Variants in DSG2 observed in about 807,000 individuals in gnomAD.
DSG2 encodes desmoglein 2, also known as desmoglein-2.
Under a neutral mutation model 75.6 loss-of-function variants are expected in DSG2, and 45 were observed. That is an observed-to-expected ratio of 0.60 (90% CI 0.47 to 0.76). The LOEUF is 0.76. DSG2 is among the 30% of genes least tolerant of loss of function. The pLI is 0.00. For missense variants in DSG2, 1,267 were observed against 1,357.4 expected, an observed-to-expected ratio of 0.93 and a Z score of 1.05; for synonymous variants, 429 against 483.9, an observed-to-expected ratio of 0.89 and a Z score of 1.49.
chr18:31,541,977 T>C (rs2073271131), intron 13 of DSG2, among the ~76,000 whole-genome samples: 1 of 152,180 alleles, frequency 6.6e-6, no homozygotes, highest in Admixed American at 6.5e-5. Context: ...ACTGTCCTCA[T>C]GTCCTAGTTC....
At chr18:31,502,195 A>C (rs1379604316) in intron 1 of DSG2, among the ~76,000 whole-genome samples, 1 of 152,234 alleles carries the variant, frequency 6.6e-6, no homozygotes, top group Non-Finnish European at 1.5e-5. Context: ...GAAATCCCCG[A>C]TAAGCTAAAT....
At position 31,524,467 on chromosome 18, in the gene DSG2, T is replaced by C. The variant is rs1299782741; in HGVS notation, c.710T>C (p.Leu237Ser). ...CTGCAGGAACACAGCAGCTACACTTTGACAGTAGAAGCAAGAGATGGCAAT... is the reference window on the plus strand; with the variant it reads ...CTGCAGGAACACAGCAGCTACACTTCGACAGTAGAAGCAAGAGATGGCAAT... ...LDREEHSSYT[L>S]TVEARDGNGE... Residue 237 changes from leucine (L) to serine (S), a missense_variant, in exon 7 of 15, where the codon TTG (leucine) becomes TCG (serine). By Grantham distance (145) the Leu-to-Ser change is moderately radical. Transcript: ENST00000261590. The C allele has an allele frequency of 1.2e-6, 2 of 1,614,134 alleles. No homozygotes were observed. The highest frequency in any genetic ancestry group is 1.3e-5 in the African/African-American group (1 of 75,056).
rs185026861 is a variant in DSG2, at chr18:31,514,216, A to T, written c.46-4023A>T. Among the ~76,000 whole-genome samples the T allele has an allele frequency of 4.6e-5, 7 of 152,314 alleles. No individual in the cohort carries two copies. In the East Asian group the frequency reaches 1.2e-3, roughly 25 times the overall value. ...GACAAATGTACAGCAGCTATTTAAG[A>T]TGTTAACATATGAGGAAATTGGAGA... is the stretch of plus-strand genomic sequence containing the variant. On this transcript the variant is annotated intron_variant, in intron 1 of 14. Transcript: ENST00000261590.
intron 1 of DSG2, among the ~76,000 whole-genome samples, chr18:31,513,892 G>A (rs2073079898): frequency 6.6e-6 from 1 of 152,154 alleles, no homozygotes; most frequent in African/African-American, 2.4e-5. Context: ...TTCCAAAAAT[G>A]CATAATACTG....
intron 8 of DSG2, among the ~76,000 whole-genome samples, chr18:31,527,087 C>T (rs2073167289): frequency 6.6e-6 from 1 of 152,160 alleles, no homozygotes; most frequent in South Asian, 2.1e-4. Context: ...GCAAGCACCA[C>T]TTATGGTGAG....
In DSG2 at chr18:31,546,017, T is replaced by G; in HGVS notation, c.2631T>G (p.Asn877Lys). The change falls in exon 15 of 15, where the codon AAT becomes AAG. Residue 877 changes from asparagine to lysine, a missense_variant. Transcript: ENST00000261590. ...SHSLCEQTMV[N>K]SENTYSSGSS... ...CACTCTGTGAGCAAACTATGGTTAA[T>G]TCAGAGAATACCTACTCCTCTGGCA... 6.2e-7 allele frequency: 1 copy of G among 1,614,198 alleles called. No homozygotes were observed. Among genetic ancestry groups the G allele is most frequent in the Middle Eastern group, 1.6e-4 (1 of 6,062 alleles).
chr18:31,535,436 T>C (rs1407356398), intron 10 of DSG2, 24 bp downstream of exon 10: 3 of 1,554,568 alleles, frequency 1.9e-6, no homozygotes, highest in Non-Finnish European at 2.7e-6. Context: ...TAGATCTTTT[T>C]CTTGATTATA....
intron 1 of DSG2, among the ~76,000 whole-genome samples, chr18:31,507,854 A>C (rs1412749595): frequency 1.3e-5 from 2 of 151,994 alleles, no homozygotes; most frequent in East Asian, 1.9e-4. Context: ...AGATTGCAAA[A>C]ATTTTCTCCC....
In DSG2 at chr18:31,546,705, G is replaced by A. The variant is rs2073314628; in HGVS notation, c.3319G>A (p.Val1107Ile). The change falls in exon 15 of 15, where the codon GTT (valine) becomes ATT (isoleucine). Residue 1107 changes from valine (V) to isoleucine (I), a missense_variant. By Grantham distance (29) the Val-to-Ile change is conservative. Transcript: ENST00000261590. ...TACCATAACCACATCTTCCACCAGA[G>A]TTACCAAGCATAGCACTGTACAGCA... ...NSTITTSSTRVTKHSTVQHSY... is the reference protein window; with the variant it reads ...NSTITTSSTRITKHSTVQHSY... The A allele has an allele frequency of 1.2e-6, 2 of 1,614,162 alleles. No homozygotes were observed. Among genetic ancestry groups the A allele is most frequent in the Non-Finnish European group, 1.7e-6 (2 of 1,180,024 alleles).
chr18:31,537,999 A>T (rs1005719766), intron 11 of DSG2, among the ~76,000 whole-genome samples: 1 of 152,184 alleles, frequency 6.6e-6, no homozygotes. Context: ...ATTTCAAAAA[A>T]TAAGAAGAAG....
chr18:31,519,942 C>T lies in DSG2; in HGVS notation c.216+5C>T. On this transcript the variant is annotated splice_donor_5th_base_variant and intron_variant, in intron 3 of 14. Transcript: ENST00000261590. ...AAGAAGAATCCAATTGCCAAGGTAC[C>T]TCCTAAAGAGGAACATGAAATACAT... is the stretch of plus-strand genomic sequence containing the variant. 2 of 1,614,136 alleles carry T rather than the reference C, an allele frequency of 1.2e-6. No individual in the cohort carries two copies. Among genetic ancestry groups the T allele is most frequent in the South Asian group, 1.1e-5 (1 of 91,078 alleles).
chr18:31,539,130 C>G (rs2073250682), intron 12 of DSG2, 152 bp downstream of exon 12: 1 of 765,720 alleles, frequency 1.3e-6, no homozygotes. Context: ...TGATGATTGG[C>G]AAATCACCAA....
At chr18:31,544,543 C>G (rs1320825563) in intron 14 of DSG2, among the ~76,000 whole-genome samples, 3 of 151,280 alleles carry the variant, frequency 2.0e-5, no homozygotes, top group Admixed American at 2.0e-4. Flanking sequence ...CCAAAACAAG[C>G]AGAAATAAGA....
chr18:31,527,997 C>G (rs776383224), intron 8 of DSG2, among the ~76,000 whole-genome samples: 2 of 152,144 alleles, frequency 1.3e-5, no homozygotes, highest in Non-Finnish European at 2.9e-5. Context: ...CTTTGAGAGT[C>G]AGGATTTCAG....
At chr18:31,524,932 T>C in intron 8 of DSG2, 44 bp downstream of exon 8, 1 of 1,571,798 alleles carries the variant, frequency 6.4e-7, no homozygotes, top group Non-Finnish European at 8.8e-7. Context: ...AAGTTGGTGC[T>C]GGAAAGGAAT....
rs866477900 is a variant in DSG2, at chr18:31,541,269, G to A, written c.1956G>A (p.Glu652=). 6.2e-7 allele frequency: 1 copy of A among 1,614,144 alleles called. No homozygotes were observed. ...TTACCCCCATACCTGGCACCATAGA[G>A]ATGCTGCATCCTTGGAATAATGAAG... ...KGFTPIPGTI[E]MLHPWNNEGA... The change falls in exon 13 of 15, where the codon GAG becomes GAA. Residue 652 remains glutamate (E), a synonymous_variant. Transcript: ENST00000261590.
intron 1 of DSG2, among the ~76,000 whole-genome samples, chr18:31,503,178 A>T (rs190600663): frequency 1.9e-4 from 29 of 152,308 alleles, no homozygotes; most frequent in Admixed American, 7.8e-4. Context: ...AAAGCCAGAC[A>T]TGTTCTGCCC....
At chr18:31,505,094 C>T (rs1016338295) in intron 1 of DSG2, among the ~76,000 whole-genome samples, 2 of 152,190 alleles carry the variant, frequency 1.3e-5, no homozygotes, top group African/African-American at 2.4e-5. Flanking sequence ...AAGCTGGCAA[C>T]GACTCTCCAC....
chr18:31,525,624 C>G (rs1309990166), intron 8 of DSG2, among the ~76,000 whole-genome samples: 3 of 152,034 alleles, frequency 2.0e-5, no homozygotes, highest in Non-Finnish European at 4.4e-5. Flanking sequence ...CTAAGAATCA[C>G]CTCATAAAAC....
Sources: gnomAD v4.1 joint callset for allele counts (sites outside exome capture counted in the v4.1 genomes callset) on GRCh38, gnomAD v4.1.1 for gene constraint, MANE v1.5 for transcripts, NCBI Gene and HGNC (gene_info 2026-07-23, HGNC 2026-07-21) for gene names.